Variants in ULK2 observed in about 807,000 individuals in gnomAD.
The protein encoded by ULK2 is unc-51 like autophagy activating kinase 2.
In ULK2, 76 loss-of-function variants were observed where a neutral mutation model predicts 127.5. That is an observed-to-expected ratio of 0.60 (90% CI 0.50 to 0.72). The LOEUF is 0.72. ULK2 is among the 30% of genes least tolerant of loss of function. The pLI, the probability that ULK2 is intolerant of heterozygous loss-of-function variation, is 0.00. For missense variants in ULK2, 1,144 were observed against 1,295.9 expected (o/e 0.88, Z 1.80); for synonymous variants, 452 against 461.9 (o/e 0.98, Z 0.28).
intron 10 of ULK2, among the ~76,000 whole-genome samples, chr17:19,833,135 A>C (rs1020787810): frequency 2.7e-5 from 4 of 149,072 alleles, no homozygotes; most frequent in African/African-American, 9.8e-5. Context: ...AGGAAAAAAA[A>C]AAAAAAAAAA....
At chr17:19,858,510 C>CGCCT (rs1323243373) in intron 3 of ULK2, among the ~76,000 whole-genome samples, 2 of 152,164 alleles carry the variant, frequency 1.3e-5, no homozygotes, top group Non-Finnish European at 2.9e-5. Flanking sequence ...CACCACTATA[C>CGCCT]GCCTGTACAT....
At chr17:19,790,139 G>A (rs918236975) in intron 20 of ULK2, among the ~76,000 whole-genome samples, 19 of 152,244 alleles carry the variant, frequency 1.2e-4, no homozygotes, top group Admixed American at 3.3e-4. Context: ...GGATAGGGCC[G>A]GGAGTGGTGG....
intron 3 of ULK2, among the ~76,000 whole-genome samples, chr17:19,854,678 C>G (rs946877636): frequency 1.3e-5 from 2 of 152,032 alleles, no homozygotes; most frequent in Admixed American, 6.6e-5. Context: ...AAATGAAACC[C>G]TAAGTACTAG....
intron 10 of ULK2, among the ~76,000 whole-genome samples, chr17:19,826,564 G>A (rs186766705): frequency 3.3e-5 from 5 of 152,292 alleles, no homozygotes; most frequent in South Asian, 2.1e-4. Context: ...GTGAACTACA[G>A]CTGTTAATTG....
intron 20 of ULK2, 35 bp downstream of exon 20, chr17:19,795,587 A>G: frequency 6.4e-7 from 1 of 1,566,132 alleles, no homozygotes; most frequent in Non-Finnish European, 8.8e-7. Context: ...ATGCTAGCAA[A>G]TTACCTGCCT....
intron 11 of ULK2, among the ~76,000 whole-genome samples, chr17:19,825,805 G>A (rs1440948250): frequency 1.3e-5 from 2 of 151,308 alleles, no homozygotes; most frequent in East Asian, 3.9e-4. Flanking sequence ...TGACCAACAT[G>A]GAGAAACCCC....
At chr17:19,821,539 G>A (rs1312991189) in intron 12 of ULK2, among the ~76,000 whole-genome samples, 1 of 151,966 alleles carries the variant, frequency 6.6e-6, no homozygotes, top group Non-Finnish European at 1.5e-5. Context: ...CTCTGTATGA[G>A]TCTACACCAG....
At chr17:19,858,781 C>G (rs754222543) in intron 3 of ULK2, among the ~76,000 whole-genome samples, 39 of 151,936 alleles carry the variant, frequency 2.6e-4, no homozygotes, top group Non-Finnish European at 5.3e-4. Context: ...GCCAGCCTAG[C>G]CAACATGGTG....
chr17:19,845,742 T>TAA (rs527870888), intron 6 of ULK2, among the ~76,000 whole-genome samples: 2 of 151,220 alleles, frequency 1.3e-5, no homozygotes, highest in Non-Finnish European at 3.0e-5. Flanking sequence ...GAGGTACTAC[T>TAA]AAAAAAAAAC....
intron 3 of ULK2, among the ~76,000 whole-genome samples, chr17:19,855,129 G>A (rs1490299279): frequency 3.3e-4 from 49 of 149,786 alleles, no homozygotes; most frequent in Non-Finnish European, 6.2e-4. Context: ...GCTAGGCCAG[G>A]CGTGGTGGCT....
chr17:19,825,023 G>A (rs2041252498), intron 12 of ULK2, 71 bp downstream of exon 12: 6 of 1,343,320 alleles, frequency 4.5e-6, no homozygotes, highest in East Asian at 2.3e-5. Context: ...CACAGTGTAT[G>A]TGCATGCTCC....
chr17:19,845,286 A>T lies in ULK2; in HGVS notation c.543+18T>A. On this transcript the variant is annotated intron_variant, in intron 7 of 26. Coordinates refer to ENST00000395544, the MANE Select transcript of ULK2 (RefSeq NM_014683.4). ...GGAGCCATGCTTTAAACACACAAGG[A>T]TGCAAACACTCACTCACCATGTACA... The T allele has an allele frequency of 6.2e-7, 1 of 1,606,606 alleles. No homozygotes were observed. The highest frequency in any genetic ancestry group is 8.5e-7 in the Non-Finnish European group (1 of 1,173,508).
intron 10 of ULK2, 108 bp downstream of exon 10, chr17:19,838,389 CAAAA>C: frequency 2.1e-6 from 2 of 955,254 alleles, no homozygotes; most frequent in South Asian, 3.1e-5. Context: ...AGGAAATAAA[CAAAA>C]AGAAAAGTGA....
chr17:19,805,311 A>G (rs1468852794), intron 14 of ULK2, among the ~76,000 whole-genome samples: 2 of 152,240 alleles, frequency 1.3e-5, no homozygotes, highest in African/African-American at 4.8e-5. Flanking sequence ...CTCTCAAAGC[A>G]TGCAACTCAT....
At position 19,852,180 on chromosome 17, in the gene ULK2, G is replaced by A. The variant is rs182924528; in HGVS notation, c.226-2406C>T. 2.3e-3 allele frequency among the ~76,000 whole-genome samples: 315 copies of A among 138,648 alleles called. 1 individual carries two copies. The highest frequency in any genetic ancestry group is 8.2e-3 in the African/African-American group (302 of 36,668). The allele number at this position is 138,648 out of a possible 152,430, so 91.0% of individuals were successfully genotyped here. On this transcript the variant is annotated intron_variant, in intron 3 of 26. Transcript: ENST00000395544. ...GCGGAATTTGCAGTGAGCTGAGATC[G>A]CGCCACTGCACTCCAGCTTGAGCAA...
intron 7 of ULK2, among the ~76,000 whole-genome samples, chr17:19,844,879 G>C (rs1242478569): frequency 6.6e-6 from 1 of 152,096 alleles, no homozygotes; most frequent in African/African-American, 2.4e-5. Flanking sequence ...GCTGTGTGAG[G>C]CTAATGGAAA....
chr17:19,849,875 G>T, intron 3 of ULK2, 101 bp from the exon 4 acceptor site: 1 of 685,058 alleles, frequency 1.5e-6, no homozygotes, highest in Non-Finnish European at 2.4e-6. Flanking sequence ...TATTAAAACT[G>T]GTAAAATGAA....
At chr17:19,820,084 C>G (rs939683429) in intron 12 of ULK2, among the ~76,000 whole-genome samples, 11 of 145,244 alleles carry the variant, frequency 7.6e-5, no homozygotes, top group African/African-American at 2.8e-4. Context: ...GAGTCTCGCT[C>G]TATCACCAGG....
intron 13 of ULK2, among the ~76,000 whole-genome samples, chr17:19,814,004 C>G (rs1179748647): frequency 6.6e-6 from 1 of 152,048 alleles, no homozygotes; most frequent in Non-Finnish European, 1.5e-5. Flanking sequence ...CTGAAGAATA[C>G]TGAAATGCTC....
Sources: gnomAD v4.1 joint callset for allele counts (sites outside exome capture counted in the v4.1 genomes callset) on GRCh38, gnomAD v4.1.1 for gene constraint, MANE v1.5 for transcripts, NCBI Gene and HGNC (gene_info 2026-07-23, HGNC 2026-07-21) for gene names.